Variants in GABRB2 observed in about 807,000 individuals in gnomAD.
GABRB2 encodes the protein gamma-aminobutyric acid receptor subunit beta-2.
Under a neutral mutation model 54.7 loss-of-function variants are expected in GABRB2, and 16 were observed. The ratio of observed to expected loss-of-function variants is 0.29; its 90% CI spans 0.20 to 0.44. The LOEUF (loss-of-function observed/expected upper bound fraction) is 0.44, where lower values mean the gene tolerates loss of function less well. Among genes scored for constraint, GABRB2 ranks in the 20% least tolerant of loss-of-function variants. The probability of loss-of-function intolerance (pLI) is 1.00; values close to 1 mark genes in which losing one functional copy is unlikely to be tolerated. For missense variants in GABRB2, 355 were observed against 644.0 expected (o/e 0.55, Z 4.86); for synonymous variants, 244 against 233.8 (o/e 1.04, Z -0.40).
intron 4 of GABRB2, among the ~76,000 whole-genome samples, chr5:161,429,707 A>G (rs1452899570): frequency 3.3e-5 from 5 of 152,210 alleles, no homozygotes; most frequent in African/African-American, 1.2e-4. Context: ...CATAATTATG[A>G]CATAATACAC....
intron 9 of GABRB2, among the ~76,000 whole-genome samples, chr5:161,305,211 T>C (rs1457340517): frequency 6.6e-6 from 1 of 150,478 alleles, no homozygotes; most frequent in Non-Finnish European, 1.5e-5. Flanking sequence ...AGAGACGGGG[T>C]TTCACCCTGT....
chr5:161,292,736 T>C lies in GABRB2; in HGVS notation c.*1345A>G, dbSNP rs1757271229. 6.6e-6 allele frequency: 1 copy of C among 152,168 alleles called. No individual in the cohort carries two copies. Among genetic ancestry groups the C allele is most frequent in the Non-Finnish European group, 1.5e-5 (1 of 68,012 alleles). The allele number at this position is 152,168 out of a possible 1,614,324, so 9.4% of individuals were successfully genotyped here. A position where few individuals can be genotyped will look rare whatever the true frequency, so the allele number is the denominator to read the frequency against. On this transcript the variant is annotated 3_prime_UTR_variant, in exon 10 of 10. Coordinates refer to ENST00000393959, the MANE Select transcript of GABRB2 (RefSeq NM_001371727.1). ...TTAAGAAAATCAAGCCCCAAACCAA[T>C]GAATGCACAAATTAACTCTCTGTGT...
At chr5:161,407,858 T>G (rs979341088) in intron 5 of GABRB2, among the ~76,000 whole-genome samples, 10 of 151,984 alleles carry the variant, frequency 6.6e-5, no homozygotes, top group Non-Finnish European at 1.5e-4. Flanking sequence ...ATGGCCCTCA[T>G]AGTGATAAAT....
intron 5 of GABRB2, among the ~76,000 whole-genome samples, chr5:161,351,905 A>G (rs1436496340): frequency 6.6e-6 from 1 of 152,118 alleles, no homozygotes; most frequent in East Asian, 1.9e-4. Flanking sequence ...CTAAATAGAC[A>G]TTTCTTAAAA....
intron 8 of GABRB2, among the ~76,000 whole-genome samples, chr5:161,327,230 T>G (rs914709675): frequency 6.6e-6 from 1 of 152,198 alleles, no homozygotes; most frequent in Non-Finnish European, 1.5e-5. Flanking sequence ...CTTTACTACT[T>G]AACTTGGCAC....
chr5:161,367,466 A>G (rs992961967), intron 5 of GABRB2, among the ~76,000 whole-genome samples: 1 of 151,688 alleles, frequency 6.6e-6, no homozygotes, highest in Non-Finnish European at 1.5e-5. Context: ...ACAACCATAT[A>G]TTTTTCGTTT....
At chr5:161,415,274 A>G (rs1227602702) in intron 4 of GABRB2, among the ~76,000 whole-genome samples, 8 of 152,188 alleles carry the variant, frequency 5.3e-5, no homozygotes, top group Admixed American at 1.3e-4. Context: ...AAAAGTGGAA[A>G]TGTGCCTTCT....
intron 5 of GABRB2, among the ~76,000 whole-genome samples, chr5:161,384,370 G>A (rs1755559188): frequency 6.6e-6 from 1 of 152,282 alleles, no homozygotes; most frequent in African/African-American, 2.4e-5. Context: ...TTATATGGTG[G>A]TGTGTAATTG....
At chr5:161,407,815 G>C (rs1756390866) in intron 5 of GABRB2, among the ~76,000 whole-genome samples, 1 of 151,998 alleles carries the variant, frequency 6.6e-6, no homozygotes, top group Admixed American at 6.6e-5. Flanking sequence ...CCTAGGAATG[G>C]ATATCTCCTT....
intron 3 of GABRB2, among the ~76,000 whole-genome samples, chr5:161,481,085 T>C (rs1320690877): frequency 6.6e-6 from 1 of 151,990 alleles, no homozygotes; most frequent in Non-Finnish European, 1.5e-5. Context: ...TTTAACCAAA[T>C]ATGTGGTTAT....
At chr5:161,472,578 G>A (rs1298798172) in intron 3 of GABRB2, among the ~76,000 whole-genome samples, 1 of 151,848 alleles carries the variant, frequency 6.6e-6, no homozygotes, top group Non-Finnish European at 1.5e-5. Flanking sequence ...TTTGAACTCT[G>A]AAGTTGTGCA....
intron 3 of GABRB2, among the ~76,000 whole-genome samples, chr5:161,470,324 C>T (rs979343632): frequency 6.6e-6 from 1 of 151,870 alleles, no homozygotes; most frequent in South Asian, 2.1e-4. Context: ...TATCAAGACC[C>T]CCATTGGATG....
chr5:161,530,735 T>C (rs1760430045), intron 3 of GABRB2, among the ~76,000 whole-genome samples: 1 of 152,134 alleles, frequency 6.6e-6, no homozygotes, highest in Non-Finnish European at 1.5e-5. Flanking sequence ...ACTTAAAATA[T>C]TATGACTTTT....
intron 9 of GABRB2, among the ~76,000 whole-genome samples, chr5:161,296,025 A>G (rs971113416): frequency 6.6e-6 from 1 of 152,224 alleles, no homozygotes; most frequent in Non-Finnish European, 1.5e-5. Context: ...GCTTTGCAGC[A>G]ACTGATTCAT....
intron 5 of GABRB2, among the ~76,000 whole-genome samples, chr5:161,350,216 A>T (rs1222639890): frequency 1.3e-5 from 2 of 152,246 alleles, no homozygotes; most frequent in South Asian, 2.1e-4. Flanking sequence ...AGGCAAGAGA[A>T]TATAAAAGGC....
chr5:161,442,726 C>T (rs1421963903), intron 4 of GABRB2, among the ~76,000 whole-genome samples: 1 of 152,104 alleles, frequency 6.6e-6, no homozygotes, highest in Non-Finnish European at 1.5e-5. Context: ...CCTGCCATTG[C>T]ATTCCCTCAT....
intron 4 of GABRB2, among the ~76,000 whole-genome samples, chr5:161,424,383 T>C (rs1756937413): frequency 6.6e-6 from 1 of 152,084 alleles, no homozygotes; most frequent in Non-Finnish European, 1.5e-5. Context: ...GTGACTCTTG[T>C]TAATGCAGGT....
chr5:161,517,304 C>T (rs1166513441), intron 3 of GABRB2, among the ~76,000 whole-genome samples: 5 of 152,100 alleles, frequency 3.3e-5, no homozygotes, highest in African/African-American at 9.7e-5. Context: ...ATACGGGCTT[C>T]TCAGGGCTAG....
chr5:161,495,685 G>T (rs1454918573), intron 3 of GABRB2, among the ~76,000 whole-genome samples: 1 of 151,992 alleles, frequency 6.6e-6, no homozygotes, highest in Non-Finnish European at 1.5e-5. Flanking sequence ...GTATTTGTAG[G>T]TTTTCAAGCA....
Sources: allele counts gnomAD v4.1 joint callset (sites outside exome capture counted in the v4.1 genomes callset), GRCh38; gene constraint gnomAD v4.1.1; transcripts MANE v1.5; gene names NCBI Gene and HGNC (gene_info 2026-07-23, HGNC 2026-07-21).